The following RNF180 variants were observed in gnomAD, a reference collection of about 807,000 sequenced individuals.
RNF180 encodes ring finger protein 180, also known as E3 ubiquitin-protein ligase RNF180.
A neutral mutation model predicts 59.2 loss-of-function variants in RNF180; 38 were observed. The observed-to-expected ratio is 0.64, with a 90% confidence interval of 0.50 to 0.84. The LOEUF is 0.84. Among genes scored for constraint, RNF180 ranks in the 40% least tolerant of loss-of-function variants. The pLI is 0.00. For missense variants in RNF180, 705 were observed against 700.9 expected, an observed-to-expected ratio of 1.01 and a Z score of -0.07; for synonymous variants, 262 against 240.3, an observed-to-expected ratio of 1.09 and a Z score of -0.84.
At chr5:64,244,821 G>A (rs557365182) in intron 5 of RNF180, among the ~76,000 whole-genome samples, 11 of 152,158 alleles carry the variant, frequency 7.2e-5, no homozygotes, top group African/African-American at 2.4e-4. Flanking sequence ...AGGAAAAAAC[G>A]TTAAGGGCAG....
Position 64,227,539 on chromosome 5 carries a change from C to T in RNF180, c.1227+10143C>T, listed in dbSNP as rs183732499. ...ACATGCCCTGACAGTGGGGCCTGGC[C>T]TCAGAAAGGGGCCCCTCCATTTGTA... On this transcript the variant is annotated intron_variant, in intron 5 of 7. Transcript: ENST00000389100. 3.1e-3 allele frequency among the ~76,000 whole-genome samples: 474 copies of T among 152,306 alleles called. 1 individual carries two copies. The highest frequency in any genetic ancestry group is 0.011 in the African/African-American group (464 of 41,576).
chr5:64,353,946 A>T (rs1046766927), intron 7 of RNF180, among the ~76,000 whole-genome samples: 1 of 151,736 alleles, frequency 6.6e-6, no homozygotes, highest in African/African-American at 2.4e-5. Context: ...AAAATATGGC[A>T]TACCGAAAAT....
chr5:64,315,859 A>C (rs537414410), intron 5 of RNF180, among the ~76,000 whole-genome samples: 4 of 152,316 alleles, frequency 2.6e-5, no homozygotes, highest in African/African-American at 9.6e-5. Flanking sequence ...AAAAACAATA[A>C]AAATAAAAAT....
chr5:64,223,343 A>G (rs1426182946), intron 5 of RNF180, among the ~76,000 whole-genome samples: 1 of 152,142 alleles, frequency 6.6e-6, no homozygotes, highest in East Asian at 1.9e-4. Context: ...CCTTAACTTA[A>G]TCATAGCTGC....
intron 5 of RNF180, among the ~76,000 whole-genome samples, chr5:64,257,333 G>A (rs1432317747): frequency 1.3e-5 from 2 of 152,218 alleles, no homozygotes; most frequent in African/African-American, 4.8e-5. Context: ...GATATTGGCT[G>A]TGGGTCTGTC....
At chr5:64,193,638 G>A (rs552272987) in intron 1 of RNF180, among the ~76,000 whole-genome samples, 22 of 152,278 alleles carry the variant, frequency 1.4e-4, no homozygotes, top group Non-Finnish European at 2.1e-4. Flanking sequence ...GTAGTGACAA[G>A]GGCTGGTACT....
At chr5:64,268,227 GT>G (rs1306070346) in intron 5 of RNF180, among the ~76,000 whole-genome samples, 1 of 151,974 alleles carries the variant, frequency 6.6e-6, no homozygotes, top group Non-Finnish European at 1.5e-5. Flanking sequence ...CCTTATTTGG[GT>G]TTTACTTTAC....
chr5:64,237,319 C>T (rs1227130876), intron 5 of RNF180, among the ~76,000 whole-genome samples: 4 of 152,130 alleles, frequency 2.6e-5, no homozygotes, highest in African/African-American at 7.2e-5. Context: ...TTATTGACTG[C>T]CCGGCCAGGT....
chr5:64,207,502 G>A (rs901376433), intron 2 of RNF180, among the ~76,000 whole-genome samples: 32 of 152,278 alleles, frequency 2.1e-4, no homozygotes, highest in African/African-American at 7.7e-4. Flanking sequence ...AGAAAGTTGG[G>A]TGTTGTTCAA....
intron 5 of RNF180, among the ~76,000 whole-genome samples, chr5:64,268,758 A>G: frequency 6.6e-6 from 1 of 152,016 alleles, no homozygotes; most frequent in East Asian, 1.9e-4. Context: ...CTAGTCCATC[A>G]CCGTGTCATA....
intron 5 of RNF180, among the ~76,000 whole-genome samples, chr5:64,284,055 A>G (rs946443281): frequency 1.3e-5 from 2 of 152,060 alleles, no homozygotes; most frequent in Non-Finnish European, 2.9e-5. Flanking sequence ...ATCTGGTGGT[A>G]ACAAAATCTC....
intron 7 of RNF180, 110 bp downstream of exon 7, chr5:64,330,516 TAATC>T (rs1284162306): frequency 1.9e-6 from 2 of 1,029,072 alleles, no homozygotes; most frequent in Non-Finnish European, 2.8e-6. Flanking sequence ...ATTTCTGTAT[TAATC>T]AATTTTAAAT....
intron 5 of RNF180, among the ~76,000 whole-genome samples, chr5:64,280,132 C>G (rs1229154030): frequency 3.9e-5 from 6 of 152,146 alleles, no homozygotes; most frequent in African/African-American, 7.2e-5. Context: ...CTTCTTTTGA[C>G]AAGTGTCTGT....
chr5:64,289,650 T>C (rs1742469674), intron 5 of RNF180, among the ~76,000 whole-genome samples: 1 of 152,166 alleles, frequency 6.6e-6, no homozygotes, highest in South Asian at 2.1e-4. Context: ...CGTATTCATG[T>C]CTTCTAGATT....
At chr5:64,355,318 A>G (rs1561278320) in intron 7 of RNF180, among the ~76,000 whole-genome samples, 2 of 151,960 alleles carry the variant, frequency 1.3e-5, no homozygotes, top group Admixed American at 6.6e-5. Flanking sequence ...TCGATTTACA[A>G]TAGCATCTAA....
At chr5:64,321,203 G>T (rs548665708) in intron 5 of RNF180, among the ~76,000 whole-genome samples, 4 of 152,164 alleles carry the variant, frequency 2.6e-5, no homozygotes, top group Non-Finnish European at 5.9e-5. Flanking sequence ...AGGGTGGGGG[G>T]TATGCAGATA....
chr5:64,175,997 T>G (rs1603090), intron 1 of RNF180, among the ~76,000 whole-genome samples: 66,447 of 151,964 alleles, frequency 0.44, 15,587 homozygotes, highest in African/African-American at 0.61. Context: ...CTAACAGTTT[T>G]TTGGTGGAGT....
At chr5:64,241,405 C>A (rs190521980) in intron 5 of RNF180, among the ~76,000 whole-genome samples, 1 of 152,108 alleles carries the variant, frequency 6.6e-6, no homozygotes, top group African/African-American at 2.4e-5. Flanking sequence ...GATCCAGACA[C>A]CTTTTCTTTC....
chr5:64,292,819 G>A (rs577697307), intron 5 of RNF180, among the ~76,000 whole-genome samples: 46 of 152,248 alleles, frequency 3.0e-4, no homozygotes, highest in Admixed American at 6.5e-4. Flanking sequence ...ATATAATCCC[G>A]GCTGGAGTTG....
Sources: allele counts gnomAD v4.1 joint callset (sites outside exome capture counted in the v4.1 genomes callset), GRCh38; gene constraint gnomAD v4.1.1; transcripts MANE v1.5; gene names NCBI Gene and HGNC (gene_info 2026-07-23, HGNC 2026-07-21).